The following CRIM1 variants were observed in gnomAD, a reference collection of about 807,000 sequenced individuals.
The protein encoded by CRIM1 is cysteine rich transmembrane BMP regulator 1, also known as cysteine-rich motor neuron 1 protein.
Under a neutral mutation model 116.4 loss-of-function variants are expected in CRIM1, and 32 were observed. The observed-to-expected ratio is 0.27, with a 90% CI of 0.21 to 0.37. CRIM1 has a LOEUF of 0.37. Ranked by LOEUF, CRIM1 falls within the 10% of genes least tolerant of loss-of-function variation. The pLI, the probability that CRIM1 is intolerant of heterozygous loss-of-function variation, is 1.00. For missense variants in CRIM1, 1,331 were observed against 1,354.8 expected (o/e 0.98, Z 0.28); for synonymous variants, 590 against 509.2 (o/e 1.16, Z -2.13).
intron 1 of CRIM1, among the ~76,000 whole-genome samples, chr2:36,363,953 GTTCTTCTGCCA>G (rs1341046811): frequency 6.6e-6 from 1 of 152,156 alleles, no homozygotes; most frequent in Non-Finnish European, 1.5e-5. Context: ...AGCTCTACCT[GTTCTTCTGCCA>G]TTCTTCTGCC....
intron 7 of CRIM1, among the ~76,000 whole-genome samples, chr2:36,497,114 C>A (rs1373064384): frequency 6.6e-6 from 1 of 152,108 alleles, no homozygotes; most frequent in East Asian, 1.9e-4. Flanking sequence ...TTTCTGAAGG[C>A]AAAATTTTCT....
chr2:36,514,655 T>C (rs1429904169), intron 11 of CRIM1, among the ~76,000 whole-genome samples: 2 of 152,220 alleles, frequency 1.3e-5, no homozygotes, highest in Non-Finnish European at 2.9e-5. Flanking sequence ...GGAGGATGAT[T>C]GTTTTTCCTC....
intron 1 of CRIM1, among the ~76,000 whole-genome samples, chr2:36,362,865 A>G (rs1558499417): frequency 1.3e-5 from 2 of 152,066 alleles, no homozygotes; most frequent in African/African-American, 4.8e-5. Flanking sequence ...TTAATTCCCC[A>G]CATGAAAATA....
intron 4 of CRIM1, among the ~76,000 whole-genome samples, chr2:36,445,878 C>T (rs1489896157): frequency 1.3e-5 from 2 of 151,888 alleles, no homozygotes; most frequent in Non-Finnish European, 2.9e-5. Flanking sequence ...GTCAAATGTC[C>T]ACTCTTTAAG....
intron 5 of CRIM1, among the ~76,000 whole-genome samples, chr2:36,471,378 A>G (rs565871526): frequency 2.6e-5 from 4 of 152,250 alleles, no homozygotes; most frequent in African/African-American, 7.2e-5. Context: ...GAGTTAGTCA[A>G]TGTGGCAAAC....
intron 2 of CRIM1, among the ~76,000 whole-genome samples, chr2:36,425,790 C>A (rs778904133): frequency 3.5e-4 from 54 of 152,206 alleles, no homozygotes; most frequent in African/African-American, 1.3e-3. Context: ...TACGAATAAC[C>A]ATGAATTATA....
At chr2:36,400,964 G>T (rs1300121828) in intron 2 of CRIM1, among the ~76,000 whole-genome samples, 1 of 152,106 alleles carries the variant, frequency 6.6e-6, no homozygotes, top group Non-Finnish European at 1.5e-5. Flanking sequence ...AGTATTAAGG[G>T]TGTGCAGTGG....
intron 1 of CRIM1, among the ~76,000 whole-genome samples, chr2:36,394,938 C>T (rs1032966146): frequency 1.3e-5 from 2 of 151,136 alleles, no homozygotes; most frequent in Admixed American, 6.6e-5. Context: ...TTTTACTTCA[C>T]TTACGTACTG....
chr2:36,450,534 C>T (rs567306777), intron 4 of CRIM1, among the ~76,000 whole-genome samples: 50 of 152,280 alleles, frequency 3.3e-4, no homozygotes, highest in South Asian at 8.3e-4. Context: ...AAAAGATCTA[C>T]TCAAAGTGAC....
At chr2:36,533,852 G>A (rs1242990615) in intron 13 of CRIM1, among the ~76,000 whole-genome samples, 1 of 151,992 alleles carries the variant, frequency 6.6e-6, no homozygotes, top group Non-Finnish European at 1.5e-5. Flanking sequence ...TCATAGCCAG[G>A]TGCTTTAGGT....
chr2:36,378,749 A>G (rs1470261373), intron 1 of CRIM1: 1 of 152,616 alleles, frequency 6.6e-6, no homozygotes, highest in Non-Finnish European at 1.5e-5. Context: ...GGCTAACAAA[A>G]GACATCAAGC....
chr2:36,519,114 T>C (rs1665208534), intron 12 of CRIM1, among the ~76,000 whole-genome samples: 1 of 152,196 alleles, frequency 6.6e-6, no homozygotes, highest in Non-Finnish European at 1.5e-5. Flanking sequence ...ATCTGAGTGA[T>C]GAACTTAGGG....
chr2:36,413,666 G>C (rs2148420956), intron 2 of CRIM1, among the ~76,000 whole-genome samples: 1 of 152,318 alleles, frequency 6.6e-6, no homozygotes, highest in South Asian at 2.1e-4. Context: ...TAAAAATGCA[G>C]TCAGCGATCT....
chr2:36,402,020 T>A (rs1026753628), intron 2 of CRIM1, among the ~76,000 whole-genome samples: 1 of 152,114 alleles, frequency 6.6e-6, no homozygotes, highest in African/African-American at 2.4e-5. Flanking sequence ...AGACAGAGGC[T>A]CCCAGCTCTG....
chr2:36,502,427 G>A (rs1252818354), intron 8 of CRIM1, among the ~76,000 whole-genome samples: 2 of 152,114 alleles, frequency 1.3e-5, no homozygotes, highest in East Asian at 1.9e-4. Context: ...TTCACACTTA[G>A]GAAGAAATAG....
chr2:36,435,620 G>A (rs1007891525), intron 2 of CRIM1, among the ~76,000 whole-genome samples: 11 of 150,678 alleles, frequency 7.3e-5, no homozygotes, highest in African/African-American at 1.9e-4. Context: ...AAAAGTAATC[G>A]CAGTTTTTGT....
At chr2:36,444,780 C>T (rs1301325258) in intron 4 of CRIM1, among the ~76,000 whole-genome samples, 1 of 152,216 alleles carries the variant, frequency 6.6e-6, no homozygotes, top group African/African-American at 2.4e-5. Flanking sequence ...AGCTCTCTCA[C>T]GAGTCCTGTG....
chr2:36,446,844 C>CTG (rs1676281604), intron 4 of CRIM1, among the ~76,000 whole-genome samples: 1 of 152,158 alleles, frequency 6.6e-6, no homozygotes, highest in Non-Finnish European at 1.5e-5. Context: ...ATGGGACTGT[C>CTG]TGTGAGGTTT....
At chr2:36,495,471 A>ATTTTTTTTT (rs1395233806) in intron 7 of CRIM1, among the ~76,000 whole-genome samples, 17 of 134,104 alleles carry the variant, frequency 1.3e-4, no homozygotes, top group South Asian at 2.4e-4. Context: ...TTATTTATTT[A>ATTTTTTTTT]TTTATTTTTT....
Sources: gnomAD v4.1 joint callset for allele counts (sites outside exome capture counted in the v4.1 genomes callset) on GRCh38, gnomAD v4.1.1 for gene constraint, MANE v1.5 for transcripts, NCBI Gene and HGNC (gene_info 2026-07-23, HGNC 2026-07-21) for gene names.